Variants in USP9X observed in about 807,000 individuals in gnomAD.
USP9X encodes ubiquitin carboxyl-terminal hydrolase 9X.
A neutral mutation model predicts 190.3 loss-of-function variants in USP9X; 7 were observed. The observed-to-expected ratio is 0.04, with a 90% CI of 0.02 to 0.07. USP9X has a LOEUF of 0.07. USP9X is among the 10% of genes least tolerant of loss of function. The probability of loss-of-function intolerance (pLI) is 1.00; values close to 1 mark genes in which losing one functional copy is unlikely to be tolerated. For synonymous variants in USP9X, 645 were observed against 659.5 expected, an observed-to-expected ratio of 0.98 and a Z score of 0.34; for missense variants, 1,010 against 1,916.9, an observed-to-expected ratio of 0.53 and a Z score of 8.83.
At chrX:41,125,677 C>CACACACACACACACAA (rs2062235777) in intron 2 of USP9X, among the ~76,000 whole-genome samples, 1 of 61,850 alleles carries the variant, frequency 1.6e-5, no homozygotes, top group Non-Finnish European at 3.1e-5. Context: ...CACACACACA[C>CACACACACACACACAA]ACACACACTC....
chrX:41,123,096 T>C (rs773141799), intron 1 of USP9X, among the ~76,000 whole-genome samples: 21 of 111,675 alleles, frequency 1.9e-4, no homozygotes, highest in Non-Finnish European at 1.9e-5. Flanking sequence ...GCTTGAGCCC[T>C]CACCAGGGAC....
chrX:41,149,326 A>G (rs995115210), intron 12 of USP9X, among the ~76,000 whole-genome samples: 2 of 111,701 alleles, frequency 1.8e-5, no homozygotes, highest in African/African-American at 6.5e-5. Flanking sequence ...TTTAACTAGT[A>G]ACTTCTTTTT....
intron 38 of USP9X, among the ~76,000 whole-genome samples, chrX:41,222,287 C>CAAG (rs3831707): frequency 0.14 from 15,240 of 110,249 alleles, 968 homozygotes; most frequent in East Asian, 0.21. Context: ...TTTTAAGAGA[C>CAAG]AAGGAGGAGT....
chrX:41,097,585 A>AC (rs772057367), intron 1 of USP9X, among the ~76,000 whole-genome samples: 137 of 112,246 alleles, frequency 1.2e-3, no homozygotes, highest in Non-Finnish European at 1.9e-3. Context: ...TTTAAAAGTA[A>AC]CAAAACCCCA....
At chrX:41,095,780 G>C (rs12690285) in intron 1 of USP9X, among the ~76,000 whole-genome samples, 14,787 of 111,552 alleles carry the variant, frequency 0.13, 896 homozygotes, top group East Asian at 0.21. Context: ...CATTAGATTT[G>C]TGTTTGTTTT....
intron 31 of USP9X, among the ~76,000 whole-genome samples, 181 bp downstream of exon 31, chrX:41,201,461 G>A (rs2063041307): frequency 9.0e-6 from 1 of 111,629 alleles, no homozygotes; most frequent in South Asian, 3.8e-4. Flanking sequence ...AGGATTGCTT[G>A]AGCCTGGGAG....
chrX:41,201,221 G>A lies in USP9X; in HGVS notation c.4765G>A (p.Glu1589Lys). 1.7e-6 allele frequency: 2 copies of A among 1,211,682 alleles called. No homozygotes were observed. Among genetic ancestry groups the A allele is most frequent in the Non-Finnish European group, 2.2e-6 (2 of 895,480 alleles). ...CATTAGGAACGGTATTCTTGCCATT[G>A]AAGGCACAGGTAGTGATGTAGATGA... ...PSIRNGILAI[E>K]GTGSDVDDDM... Residue 1589 changes from glutamate (E) to lysine (K), a missense_variant, in exon 31 of 45, where the codon GAA (glutamate) becomes AAA (lysine). By Grantham distance (56) the Glu-to-Lys change is moderately conservative. Transcript: ENST00000378308.
chrX:41,123,437 A>G (rs749808393), intron 1 of USP9X, 34 bp from the exon 2 acceptor site: 48 of 415,238 alleles, frequency 1.2e-4, no homozygotes, highest in Non-Finnish European at 1.9e-4. Flanking sequence ...TTTTATATCT[A>G]AAACCAATTA....
At chrX:41,117,004 G>C (rs2062152754) in intron 1 of USP9X, among the ~76,000 whole-genome samples, 1 of 111,694 alleles carries the variant, frequency 9.0e-6, no homozygotes, top group African/African-American at 3.3e-5. Flanking sequence ...TTATGTGGTA[G>C]TAGAGAGATG....
chrX:41,226,957 A>T (rs2063319122), intron 41 of USP9X, among the ~76,000 whole-genome samples: 1 of 111,825 alleles, frequency 8.9e-6, no homozygotes, highest in Admixed American at 9.5e-5. Flanking sequence ...CTATTTTTTT[A>T]AAAAAGAAAG....
At chrX:41,222,077 A>T (rs141532281) in intron 38 of USP9X, among the ~76,000 whole-genome samples, 206 of 111,897 alleles carry the variant, frequency 1.8e-3, no homozygotes, top group African/African-American at 6.1e-3. Context: ...GGGTGAGTTC[A>T]GTTTGGGTAG....
At chrX:41,125,684 A>ACACACACT in intron 2 of USP9X, among the ~76,000 whole-genome samples, 39 of 19,018 alleles carry the variant, frequency 2.1e-3, no homozygotes, top group South Asian at 3.7e-3. Flanking sequence ...ACACACACAC[A>ACACACACT]CTCTCTCTCT....
Position 41,228,934 on chromosome X carries a change from G to A in USP9X, c.7062-319G>A, listed in dbSNP as rs760280682. On this transcript the variant is annotated intron_variant, in intron 41 of 44. Coordinates refer to ENST00000378308, the MANE Select transcript of USP9X (RefSeq NM_001039591.3). ...AGATTGAGACCATCCTGGCTAACACGGTGAAACCCCGTCTCTACTAAAAAT... is the reference window on the plus strand; with the variant it reads ...AGATTGAGACCATCCTGGCTAACACAGTGAAACCCCGTCTCTACTAAAAAT... 8 of 127,090 alleles carry A rather than the reference G, an allele frequency of 6.3e-5. No individual in the cohort carries two copies. In the East Asian group the frequency reaches 1.6e-3, roughly 25 times the overall value. The allele number at this position is 127,090 out of a possible 1,213,427, so 10.5% of individuals were successfully genotyped here.
At position 41,087,441 on chromosome X, in the gene USP9X, G is replaced by C. The variant is rs1156808012; in HGVS notation, c.-159+1332G>C. ...AATAGAGACTATAAACTCTCCTTTA[G>C]ATCTCGCTCGTCTTCTAATTCGCTG... On this transcript the variant is annotated intron_variant, in intron 1 of 44. Coordinates refer to ENST00000378308, the MANE Select transcript of USP9X (RefSeq NM_001039591.3). 3.6e-5 allele frequency among the ~76,000 whole-genome samples: 4 copies of C among 112,226 alleles called. No individual in the cohort carries two copies. The East Asian group carries it at 1.1e-3, about 31-fold the overall frequency.
intron 21 of USP9X, among the ~76,000 whole-genome samples, chrX:41,182,498 C>G (rs748859562): frequency 4.6e-5 from 5 of 109,394 alleles, no homozygotes; most frequent in Non-Finnish European, 9.5e-5. Context: ...CTATGAGATA[C>G]AGTGGTTAAG....
rs190964950 is a variant in USP9X at position 41,234,941 on chromosome X, G to A, written c.*2417G>A. 3.6e-4 allele frequency: 41 copies of A among 112,336 alleles called. No individual in the cohort carries two copies. The highest frequency in any genetic ancestry group is 1.9e-4 in the Non-Finnish European group (10 of 53,161). The allele number at this position is 112,336 out of a possible 1,213,427, so 9.3% of individuals were successfully genotyped here. ...TGAAATAGGTTAACTTTATTTGGAT[G>A]AGTTAGGTGTACCATCTCACCATCT... On this transcript the variant is annotated 3_prime_UTR_variant, in exon 45 of 45. Coordinates refer to ENST00000378308, the MANE Select transcript of USP9X (RefSeq NM_001039591.3).
At chrX:41,105,772 A>G (rs373645020) in intron 1 of USP9X, among the ~76,000 whole-genome samples, 1 of 112,268 alleles carries the variant, frequency 8.9e-6, no homozygotes, top group East Asian at 2.8e-4. Flanking sequence ...AGCAATGCAC[A>G]GGGGTTCCAG....
intron 1 of USP9X, among the ~76,000 whole-genome samples, chrX:41,122,740 A>G (rs1318102393): frequency 5.4e-5 from 6 of 112,094 alleles, no homozygotes; most frequent in Admixed American, 1.9e-4. Context: ...GAATCAGGTC[A>G]CAGGGACTTG....
In USP9X at chrX:41,130,495, T is replaced by G. The variant is rs1297298053; in HGVS notation, c.243-962T>G. Among the ~76,000 whole-genome samples, 3 of 77,744 alleles carry G rather than the reference T, an allele frequency of 3.9e-5. No individual in the cohort carries two copies. In the Admixed American group the frequency reaches 4.6e-4, roughly 12 times the overall value. The allele number at this position is 77,744 out of a possible 115,157, so 67.5% of individuals were successfully genotyped here. On this transcript the variant is annotated intron_variant, in intron 3 of 44. Transcript: ENST00000378308. ...TTTCTTTTTTTTTTTGTTTTTTGTT[T>G]TTTGTTTTTTTTGAGATGGAGTCTC...
Sources: gnomAD v4.1 joint callset for allele counts (sites outside exome capture counted in the v4.1 genomes callset) on GRCh38, gnomAD v4.1.1 for gene constraint, MANE v1.5 for transcripts, NCBI Gene and HGNC (gene_info 2026-07-23, HGNC 2026-07-21) for gene names.